The following EHMT1 variants were observed in gnomAD, a reference collection of about 807,000 sequenced individuals.
The protein encoded by EHMT1 is histone-lysine N-methyltransferase EHMT1.
Under a neutral mutation model 147.2 loss-of-function variants are expected in EHMT1, and 15 were observed. That is an observed-to-expected ratio of 0.10 (90% CI 0.07 to 0.16). EHMT1 has a LOEUF of 0.16. Among genes scored for constraint, EHMT1 ranks in the 10% least tolerant of loss-of-function variants. The probability of loss-of-function intolerance (pLI) is 1.00; values close to 1 mark genes in which losing one functional copy is unlikely to be tolerated. For missense variants in EHMT1, 1,587 were observed against 1,772.4 expected (o/e 0.90, Z 1.88); for synonymous variants, 795 against 709.6 (o/e 1.12, Z -1.91).
intron 1 of EHMT1, among the ~76,000 whole-genome samples, chr9:137,633,823 A>G (rs1441253800): frequency 4.4e-5 from 6 of 137,656 alleles, no homozygotes; most frequent in Admixed American, 7.3e-5. Context: ...TCACTTTCTA[A>G]TTTTTTTTTT....
chr9:137,671,653 T>C (rs1940667423), intron 1 of EHMT1, among the ~76,000 whole-genome samples: 1 of 151,582 alleles, frequency 6.6e-6, no homozygotes, highest in Admixed American at 6.6e-5. Flanking sequence ...GCCTCTCAGG[T>C]AGCTTGGACT....
intron 25 of EHMT1, among the ~76,000 whole-genome samples, chr9:137,825,495 G>C (rs1447578511): frequency 6.6e-6 from 1 of 152,088 alleles, no homozygotes; most frequent in African/African-American, 2.4e-5. Flanking sequence ...TGCCACCCTG[G>C]GCACCTCTGT....
intron 10 of EHMT1, among the ~76,000 whole-genome samples, chr9:137,771,765 C>T (rs1044145170): frequency 1.2e-4 from 18 of 152,186 alleles, no homozygotes; most frequent in African/African-American, 4.1e-4. Flanking sequence ...CGGGCAGCGT[C>T]GGGCAGAGAG....
intron 25 of EHMT1, among the ~76,000 whole-genome samples, chr9:137,823,808 T>C (rs1224208498): frequency 6.6e-6 from 1 of 152,244 alleles, no homozygotes; most frequent in Non-Finnish European, 1.5e-5. Context: ...CCCACCCGCC[T>C]CAGCCTCCCA....
chr9:137,819,911 A>T (rs1955268725), intron 25 of EHMT1: 1 of 152,050 alleles, frequency 6.6e-6, no homozygotes, highest in Admixed American at 6.6e-5. Flanking sequence ...CCCAGCCCTC[A>T]TGTTCCCTTT....
At chr9:137,647,759 T>A (rs1014894197) in intron 1 of EHMT1, among the ~76,000 whole-genome samples, 1 of 152,016 alleles carries the variant, frequency 6.6e-6, no homozygotes, top group Non-Finnish European at 1.5e-5. Flanking sequence ...CATGCCCAGC[T>A]AATTTTTTTG....
intron 25 of EHMT1, among the ~76,000 whole-genome samples, chr9:137,831,296 G>A (rs1251812711): frequency 2.0e-5 from 3 of 152,216 alleles, no homozygotes; most frequent in Non-Finnish European, 4.4e-5. Context: ...CACAAAAAGT[G>A]GTAGAGTGTA....
At chr9:137,793,366 G>T (rs1952667145) in intron 16 of EHMT1, among the ~76,000 whole-genome samples, 1 of 152,208 alleles carries the variant, frequency 6.6e-6, no homozygotes, top group Admixed American at 6.5e-5. Flanking sequence ...CAGCCACCAG[G>T]GAAGCCAAAT....
chr9:137,641,515 G>T, intron 1 of EHMT1: 1 of 387,884 alleles, frequency 2.6e-6, no homozygotes, highest in South Asian at 2.1e-5. Context: ...CCCAGAAATT[G>T]GGGATTTTGG....
chr9:137,803,304 C>G (rs568191995), intron 18 of EHMT1: 166 of 998,586 alleles, frequency 1.7e-4, no homozygotes, highest in Admixed American at 1.4e-3. Flanking sequence ...GCCATTGTTG[C>G]TGTCGGAAGA....
At position 137,787,936 on chromosome 9, in the gene EHMT1, C is replaced by T. The variant is rs1041047998; in HGVS notation, c.2383-2912C>T. 4 of 1,505,006 alleles carry T rather than the reference C, an allele frequency of 2.7e-6. No homozygotes were observed. The African/African-American group carries it at 5.5e-5, about 21-fold the overall frequency. 93.2% of individuals were successfully genotyped at this position (1,505,006 alleles called of 1,614,324 possible). On this transcript the variant is annotated intron_variant, in intron 15 of 26. Coordinates refer to ENST00000460843, the MANE Select transcript of EHMT1 (RefSeq NM_024757.5). This position sits in a 1 kb window ranked among gnomAD's most constrained non-coding sequence, Gnocchi z 4.2. ...GGCAAGTAGGAGGTGGGCAGCTGCC[C>T]CCAGAGGGAGGCCCTGTGTCCCCCA...
chr9:137,660,834 A>C (rs1349133693), intron 1 of EHMT1, among the ~76,000 whole-genome samples: 1 of 152,168 alleles, frequency 6.6e-6, no homozygotes, highest in African/African-American at 2.4e-5. Context: ...GCTTCTCTTT[A>C]ATTACAGCAG....
chr9:137,759,369 T>G (rs1224855660), intron 9 of EHMT1, among the ~76,000 whole-genome samples: 1 of 152,148 alleles, frequency 6.6e-6, no homozygotes, highest in Non-Finnish European at 1.5e-5. Flanking sequence ...TTTTAAGGAG[T>G]AAATAGTATT....
chr9:137,715,449 C>A, intron 2 of EHMT1: 4 of 799,984 alleles, frequency 5.0e-6, no homozygotes, highest in Non-Finnish European at 6.1e-6. Context: ...GACTTAACGT[C>A]CTCGGGTGGA....
At chr9:137,724,875 ACG>A (rs1264254443) in intron 3 of EHMT1, among the ~76,000 whole-genome samples, 3,312 of 126,724 alleles carry the variant, frequency 0.026, 129 homozygotes, top group African/African-American at 0.1. Flanking sequence ...CGTGGGGCAG[ACG>A]TGTGGCATTC....
At position 137,819,803 on chromosome 9, in the gene EHMT1, G is replaced by T. The variant is rs185395634; in HGVS notation, c.3540+1665G>T. The stretch of plus-strand genomic sequence containing the variant: ...GTCCCCAGCCCACCCAATCCCCACT[G>T]CCCAGGCGCTAGAATCTTGTGTGGG... On this transcript the variant is annotated intron_variant, in intron 25 of 26. Coordinates refer to ENST00000460843, the MANE Select transcript of EHMT1 (RefSeq NM_024757.5). Among the ~76,000 whole-genome samples, 324 of 152,078 alleles carry T rather than the reference G, an allele frequency of 2.1e-3. 2 individuals are homozygous for T. The highest frequency in any genetic ancestry group is 7.5e-3 in the African/African-American group (313 of 41,484).
At chr9:137,764,291 CTCA>C (rs1950066761) in intron 10 of EHMT1, 1 of 152,418 alleles carries the variant, frequency 6.6e-6, no homozygotes, top group Non-Finnish European at 1.5e-5. Flanking sequence ...GTCAGCGCCT[CTCA>C]TCTGTGGCAC....
chr9:137,744,020 C>T lies in EHMT1; in HGVS notation c.1100C>T (p.Ala367Val), dbSNP rs764415861. Residue 367 changes from alanine (A) to valine (V), a missense_variant, in exon 6 of 27, where the codon GCG becomes GTG. Ala to Val is a moderately conservative substitution (Grantham distance 64). Coordinates refer to ENST00000460843, the MANE Select transcript of EHMT1 (RefSeq NM_024757.5). ...EEDDGHGAEQ[A>V]AAFPTEDSRT... ...GACGACGGCCATGGTGCAGAGCAGG[C>T]GGCCGCGTTCCCCACAGAGGACAGC... 36 of 1,614,084 alleles carry T rather than the reference C, an allele frequency of 2.2e-5. No homozygotes were observed. Among genetic ancestry groups the T allele is most frequent in the South Asian group, 1.4e-4 (13 of 91,074 alleles).
chr9:137,677,014 A>C (rs555398537), intron 1 of EHMT1, among the ~76,000 whole-genome samples: 1 of 152,170 alleles, frequency 6.6e-6, no homozygotes, highest in East Asian at 1.9e-4. Flanking sequence ...TAAGGAGCAA[A>C]ATTCTCCAAC....
Sources: allele counts gnomAD v4.1 joint callset (sites outside exome capture counted in the v4.1 genomes callset), GRCh38; gene constraint gnomAD v4.1.1; non-coding constraint Gnocchi (gnomAD v3.1); transcripts MANE v1.5; gene names NCBI Gene and HGNC (gene_info 2026-07-23, HGNC 2026-07-21).